Variants in ZNF536 observed in about 807,000 individuals in gnomAD.
ZNF536 encodes the protein zinc finger protein 536.
Under a neutral mutation model 84.5 loss-of-function variants are expected in ZNF536, and 13 were observed. The ratio of observed to expected loss-of-function variants is 0.15; its 90% CI spans 0.10 to 0.24. The LOEUF is 0.24. Ranked by LOEUF, ZNF536 falls within the 10% of genes least tolerant of loss-of-function variation. ZNF536 has a pLI of 1.00. For synonymous variants in ZNF536, 811 were observed against 742.5 expected (o/e 1.09, Z -1.50); for missense variants, 1,536 against 1,747.5 (o/e 0.88, Z 2.16).
At chr19:30,481,507 C>A (rs1024775503) in intron 2 of ZNF536, among the ~76,000 whole-genome samples, 1 of 152,094 alleles carries the variant, frequency 6.6e-6, no homozygotes, top group Admixed American at 6.6e-5. Context: ...GTATTTTGAA[C>A]CCTGGTATGT....
At chr19:30,537,779 A>G (rs150567035) in intron 3 of ZNF536, among the ~76,000 whole-genome samples, 2 of 152,326 alleles carry the variant, frequency 1.3e-5, no homozygotes, top group East Asian at 3.9e-4. Context: ...GAGAGAGACA[A>G]CATAGGGCCA....
chr19:30,654,438 C>G (rs868110695), intron 1 of ZNF536, among the ~76,000 whole-genome samples: 10 of 151,592 alleles, frequency 6.6e-5, no homozygotes, highest in Admixed American at 2.0e-4. Context: ...TCCCCAGTCT[C>G]TCCTGGAAAC....
chr19:30,383,125 A>G (rs2049087874), intron 1 of ZNF536, among the ~76,000 whole-genome samples: 1 of 152,120 alleles, frequency 6.6e-6, no homozygotes, highest in African/African-American at 2.4e-5. Context: ...CCCAGTCTCT[A>G]CGAAATGTAT....
chr19:30,663,377 C>A (rs2050193777), intron 1 of ZNF536, among the ~76,000 whole-genome samples: 1 of 152,132 alleles, frequency 6.6e-6, no homozygotes, highest in Non-Finnish European at 1.5e-5. Flanking sequence ...CGAAACTCTG[C>A]AGGATATGGT....
At chr19:30,244,176 C>A (rs77471901) in intron 1 of ZNF536, among the ~76,000 whole-genome samples, 1 of 152,200 alleles carries the variant, frequency 6.6e-6, no homozygotes, top group African/African-American at 2.4e-5. Context: ...ACTGGGGCCA[C>A]GTGATAGATG....
chr19:30,572,540 A>G (rs758945161), intron 1 of ZNF536, among the ~76,000 whole-genome samples: 25 of 152,184 alleles, frequency 1.6e-4, no homozygotes, highest in Non-Finnish European at 3.5e-4. Flanking sequence ...AATTTGTCAG[A>G]AAGGAGATGA....
chr19:30,390,959 G>A (rs190761795), intron 1 of ZNF536, among the ~76,000 whole-genome samples: 126 of 152,286 alleles, frequency 8.3e-4, no homozygotes, highest in African/African-American at 2.9e-3. Flanking sequence ...TATAAACCTC[G>A]GGGGCTACGT....
rs527980377 is a variant in ZNF536, at chr19:30,557,698, G to A, written c.*534G>A. 4 of 152,418 alleles carry A rather than the reference G, an allele frequency of 2.6e-5. No homozygotes were observed. Among genetic ancestry groups the A allele is most frequent in the South Asian group, 4.1e-4 (2 of 4,826 alleles). The allele number at this position is 152,418 out of a possible 1,614,324, so 9.4% of individuals were successfully genotyped here. Reference sequence around the variant, plus strand: ...AGAAATATTGCTAGTTTAATATTGTGTCAGGTCGTCCTATTAACCAGGAGC... The same window carrying A: ...AGAAATATTGCTAGTTTAATATTGTATCAGGTCGTCCTATTAACCAGGAGC... On this transcript the variant is annotated 3_prime_UTR_variant, in exon 5 of 5. Transcript: ENST00000355537.
intron 2 of ZNF536, among the ~76,000 whole-genome samples, chr19:30,463,490 G>A (rs1466046305): frequency 1.3e-5 from 2 of 152,206 alleles, no homozygotes; most frequent in Non-Finnish European, 2.9e-5. Context: ...CTCTGTTCTG[G>A]AGCTCAGCCA....
chr19:30,386,415 C>G (rs1380571738), intron 1 of ZNF536, among the ~76,000 whole-genome samples: 2 of 152,214 alleles, frequency 1.3e-5, no homozygotes, highest in Non-Finnish European at 2.9e-5. Context: ...CTCACTCTGT[C>G]ACCCAGGCTG....
At chr19:30,297,835 C>T (rs1297815496) in intron 2 of ZNF536, among the ~76,000 whole-genome samples, 8 of 151,382 alleles carry the variant, frequency 5.3e-5, no homozygotes, top group Admixed American at 1.3e-4. Context: ...GGATTTGCAC[C>T]GTGCCCTTTA....
chr19:30,249,559 A>G (rs2024487821), intron 1 of ZNF536, among the ~76,000 whole-genome samples: 1 of 152,212 alleles, frequency 6.6e-6, no homozygotes, highest in African/African-American at 2.4e-5. Context: ...AACACATGCA[A>G]AAAGGATCAC....
At chr19:30,277,194 AAG>A (rs1480098677) in intron 1 of ZNF536, among the ~76,000 whole-genome samples, 2 of 152,200 alleles carry the variant, frequency 1.3e-5, no homozygotes, top group African/African-American at 4.8e-5. Flanking sequence ...GCAACAGACA[AAG>A]AGTTTAAATT....
intron 1 of ZNF536, among the ~76,000 whole-genome samples, chr19:30,595,017 G>A (rs887528855): frequency 5.3e-5 from 8 of 152,156 alleles, no homozygotes; most frequent in African/African-American, 1.4e-4. Flanking sequence ...TTGGGCAGGA[G>A]GGACCCAAGG....
chr19:30,359,293 C>T (rs2048195229), intron 3 of ZNF536, among the ~76,000 whole-genome samples: 1 of 152,200 alleles, frequency 6.6e-6, no homozygotes, highest in Non-Finnish European at 1.5e-5. Context: ...GTGGGGAGGG[C>T]TCTCTGCAAG....
chr19:30,520,629 G>A (rs1244281228), intron 2 of ZNF536, among the ~76,000 whole-genome samples: 2 of 152,182 alleles, frequency 1.3e-5, no homozygotes, highest in African/African-American at 4.8e-5. Context: ...GGGCTCGGTG[G>A]TGCTTGGCAT....
At chr19:30,439,853 T>C (rs1472208515) in intron 1 of ZNF536, among the ~76,000 whole-genome samples, 1 of 152,068 alleles carries the variant, frequency 6.6e-6, no homozygotes, top group Non-Finnish European at 1.5e-5. Context: ...TCAGGGGTGG[T>C]CCAAGCCTGG....
upstream of ZNF536, among the ~76,000 whole-genome samples, chr19:30,369,667 G>T (rs1358386593): frequency 6.6e-6 from 1 of 152,180 alleles, no homozygotes; most frequent in Non-Finnish European, 1.5e-5. Context: ...AGATAAGCAG[G>T]TTCTCCTCTG....
At chr19:30,620,336 A>G (rs1439373671) in intron 1 of ZNF536, among the ~76,000 whole-genome samples, 2 of 90,304 alleles carry the variant, frequency 2.2e-5, no homozygotes, top group African/African-American at 9.0e-5. Context: ...CGTTCACTCA[A>G]ACATTTTTAA....
Sources: allele counts gnomAD v4.1 joint callset (sites outside exome capture counted in the v4.1 genomes callset), GRCh38; gene constraint gnomAD v4.1.1; transcripts MANE v1.5; gene names NCBI Gene and HGNC (gene_info 2026-07-23, HGNC 2026-07-21).